Variants in SORL1 observed in about 807,000 individuals in gnomAD.
The protein encoded by SORL1 is sortilin related receptor 1, also known as sortilin-related receptor.
In SORL1, 127 loss-of-function variants were observed where a neutral mutation model predicts 273.7. The ratio of observed to expected loss-of-function variants is 0.46; its 90% confidence interval spans 0.40 to 0.54. The LOEUF (loss-of-function observed/expected upper bound fraction) is 0.54. Ranked by LOEUF, SORL1 falls within the 20% of genes least tolerant of loss-of-function variation. The probability of loss-of-function intolerance (pLI) is 0.00; values close to 1 mark genes in which losing one functional copy is unlikely to be tolerated. For missense variants in SORL1, 2,494 were observed against 2,846.1 expected, an observed-to-expected ratio of 0.88 and a Z score of 2.81; for synonymous variants, 1,031 against 1,067.4, an observed-to-expected ratio of 0.97 and a Z score of 0.66.
At chr11:121,457,331 A>G (rs1257020847) in intron 1 of SORL1, among the ~76,000 whole-genome samples, 2 of 152,224 alleles carry the variant, frequency 1.3e-5, no homozygotes, top group East Asian at 1.9e-4. Flanking sequence ...ACAAAAGCGT[A>G]TGTGGTAACA....
intron 42 of SORL1, among the ~76,000 whole-genome samples, chr11:121,619,453 TA>T (rs1015361307): frequency 3.3e-5 from 5 of 152,294 alleles, no homozygotes; most frequent in Non-Finnish European, 7.4e-5. Flanking sequence ...CTCAGTTGTA[TA>T]AAAAATATTT....
At chr11:121,578,790 C>T (rs1862972735) in intron 25 of SORL1, among the ~76,000 whole-genome samples, 1 of 152,218 alleles carries the variant, frequency 6.6e-6, no homozygotes, top group Admixed American at 6.5e-5. Flanking sequence ...CTTGTAAAGT[C>T]CACCCATGTT....
chr11:121,565,956 A>G (rs1429343811), intron 21 of SORL1, among the ~76,000 whole-genome samples: 3 of 152,228 alleles, frequency 2.0e-5, no homozygotes, highest in Non-Finnish European at 4.4e-5. Flanking sequence ...CACATTGCAC[A>G]GCAGTGGCTG....
At chr11:121,621,338 C>A in intron 44 of SORL1, 100 bp downstream of exon 44, 1 of 1,082,474 alleles carries the variant, frequency 9.2e-7, no homozygotes, top group Non-Finnish European at 1.3e-6. Context: ...GTTTGTTTCA[C>A]AGGGAGTGCA....
At chr11:121,463,348 C>T (rs1395423861) in intron 1 of SORL1, among the ~76,000 whole-genome samples, 1 of 151,960 alleles carries the variant, frequency 6.6e-6, no homozygotes, top group East Asian at 1.9e-4. Context: ...GTAGGGAGCC[C>T]CTCCCAAAAC....
intron 6 of SORL1, among the ~76,000 whole-genome samples, chr11:121,498,138 AT>A (rs1861658350): frequency 6.6e-6 from 1 of 152,212 alleles, no homozygotes; most frequent in African/African-American, 2.4e-5. Context: ...TTGTCAGGCC[AT>A]TTGCATTGAC....
At chr11:121,526,719 TG>T (rs1225316559) in intron 11 of SORL1, among the ~76,000 whole-genome samples, 2 of 152,160 alleles carry the variant, frequency 1.3e-5, no homozygotes, top group Non-Finnish European at 2.9e-5. Flanking sequence ...TTACTGTAAA[TG>T]GAATTTTATT....
rs923363561 is a variant in SORL1 at position 121,568,076 on chromosome 11, G to A, written c.3223+963G>A. On this transcript the variant is annotated intron_variant, in intron 22 of 47. Coordinates refer to ENST00000260197, the MANE Select transcript of SORL1 (RefSeq NM_003105.6). ...CCCAGCTAATTTCTTTTATAGGGAC[G>A]AGGTCTCACTTTGTTGCCCAGTCTG... Among the ~76,000 whole-genome samples, 3 of 152,048 alleles carry A rather than the reference G, an allele frequency of 2.0e-5. No homozygotes were observed. The East Asian group carries it at 5.8e-4, about 29-fold the overall frequency.
Position 121,545,421 on chromosome 11 carries a change from C to G in SORL1, c.2043C>G (p.Asp681Glu). 2 of 1,613,990 alleles carry G rather than the reference C, an allele frequency of 1.2e-6. No individual in the cohort carries two copies. The highest frequency in any genetic ancestry group is 1.7e-6 in the Non-Finnish European group (2 of 1,179,932). The change falls in exon 14 of 48, where the codon GAC (aspartate) becomes GAG (glutamate). Residue 681 changes from aspartate (D) to glutamate (E), a missense_variant. Asp to Glu is a conservative substitution (Grantham distance 45, BLOSUM62 2). Coordinates refer to ENST00000260197, the MANE Select transcript of SORL1 (RefSeq NM_003105.6). ...CCAACTGCTCCTGCACCCGGGAGGA[C>G]TATGAGTGGTCAGTTCTTCTTTGAT... ...VVSNCSCTREDYECDFGFKMS... is the reference protein window; with the variant it reads ...VVSNCSCTREEYECDFGFKMS...
intron 2 of SORL1, among the ~76,000 whole-genome samples, chr11:121,476,774 C>CCCTCCCTCCCTT (rs1861275362): frequency 7.4e-6 from 1 of 134,334 alleles, no homozygotes; most frequent in East Asian, 2.4e-4. Context: ...CTCCCTCCCT[C>CCCTCCCTCCCTT]CCTCCCTCCC....
At chr11:121,513,195 T>G in intron 7 of SORL1, 91 bp downstream of exon 7, 1 of 961,876 alleles carries the variant, frequency 1.0e-6, no homozygotes, top group Non-Finnish European at 1.7e-6. Context: ...CCTGCTGGAG[T>G]GGATATTTTA....
intron 2 of SORL1, among the ~76,000 whole-genome samples, chr11:121,476,211 A>C (rs1565305364): frequency 6.6e-6 from 1 of 152,204 alleles, no homozygotes; most frequent in Non-Finnish European, 1.5e-5. Context: ...ACTAATGTCC[A>C]TTCTTGGCCG....
Position 121,452,360 on chromosome 11 carries a change from C to A in SORL1, c.29C>A (p.Ser10Ter). 1 of 1,553,526 alleles carries A rather than the reference C, an allele frequency of 6.4e-7. No homozygotes were observed. The highest frequency in any genetic ancestry group is 8.7e-7 in the Non-Finnish European group (1 of 1,154,398). ...GCGACACGGAGCAGCAGGAGGGAGT[C>A]GCGACTCCCGTTCCTATTCACCCTG... Reference protein sequence around the residue: MATRSSRRESRLPFLFTLVA... With the variant: MATRSSRRE Residue 10 changes from serine (S) to a stop codon, truncating the protein, a stop_gained, in exon 1 of 48, where the codon TCG (serine) becomes TAG (stop). Transcript: ENST00000260197. LOFTEE classifies it high-confidence loss of function. The surrounding 1 kb of genome is among the most constrained non-coding windows in gnomAD (Gnocchi z 5.3).
chr11:121,483,525 G>A (rs1456355680), intron 3 of SORL1, among the ~76,000 whole-genome samples: 6 of 152,198 alleles, frequency 3.9e-5, no homozygotes, highest in African/African-American at 9.6e-5. Context: ...AGAGGTATTT[G>A]TATTTTCAGA....
chr11:121,473,760 T>G (rs1236898894), intron 2 of SORL1, among the ~76,000 whole-genome samples: 1 of 152,136 alleles, frequency 6.6e-6, no homozygotes, highest in Non-Finnish European at 1.5e-5. Context: ...CCAGGCGTGG[T>G]GGCACAAGCC....
chr11:121,488,775 G>A (rs959007233), intron 4 of SORL1, among the ~76,000 whole-genome samples: 1 of 152,202 alleles, frequency 6.6e-6, no homozygotes, highest in Non-Finnish European at 1.5e-5. Flanking sequence ...GTTGAAGCTT[G>A]CCAAGTCAAG....
chr11:121,473,652 C>T (rs1226779153), intron 2 of SORL1, among the ~76,000 whole-genome samples: 2 of 152,256 alleles, frequency 1.3e-5, no homozygotes, highest in African/African-American at 2.4e-5. Context: ...CCTAGCACTT[C>T]GGAAGGCCGA....
At chr11:121,532,742 A>G (rs1026779437) in intron 12 of SORL1, among the ~76,000 whole-genome samples, 190 bp downstream of exon 12, 6 of 151,572 alleles carry the variant, frequency 4.0e-5, no homozygotes, top group South Asian at 4.2e-4. Flanking sequence ...CAGGAATACA[A>G]TGGTGCGATC....
intron 32 of SORL1, among the ~76,000 whole-genome samples, chr11:121,597,807 C>T (rs1459305424): frequency 1.3e-5 from 2 of 152,160 alleles, no homozygotes; most frequent in African/African-American, 4.8e-5. Flanking sequence ...CAGCAGCTAT[C>T]CTACAGTGTG....
Sources: gnomAD v4.1 joint callset for allele counts (sites outside exome capture counted in the v4.1 genomes callset) on GRCh38, gnomAD v4.1.1 for gene constraint, Gnocchi (gnomAD v3.1) non-coding constraint, MANE v1.5 for transcripts, NCBI Gene and HGNC (gene_info 2026-07-23, HGNC 2026-07-21) for gene names.